Variants in ATG14 observed in about 807,000 individuals in gnomAD.
ATG14 encodes beclin 1-associated autophagy-related key regulator.
Under a neutral mutation model 60.4 loss-of-function variants are expected in ATG14, and 35 were observed. The observed-to-expected ratio is 0.58, with a 90% CI of 0.44 to 0.77. The LOEUF (loss-of-function observed/expected upper bound fraction) is 0.77. Ranked by LOEUF, ATG14 falls within the 30% of genes least tolerant of loss-of-function variation. The pLI is 0.00. For synonymous variants in ATG14, 234 were observed against 228.8 expected (o/e 1.02, Z -0.21); for missense variants, 647 against 626.3 (o/e 1.03, Z -0.35).
intron 9 of ATG14, among the ~76,000 whole-genome samples, chr14:55,375,120 TCCTC>T (rs761112535): frequency 2.6e-5 from 4 of 152,206 alleles, no homozygotes; most frequent in Non-Finnish European, 4.4e-5. Flanking sequence ...TCAGCTCCAC[TCCTC>T]ATACGGTGTG....
intron 1 of ATG14, 149 bp downstream of exon 1, chr14:55,411,453 C>A: frequency 1.3e-6 from 1 of 792,844 alleles, no homozygotes; most frequent in Non-Finnish European, 2.0e-6. Flanking sequence ...AGCAAAGCTC[C>A]GGTGCAGAGC....
chr14:55,385,732 A>C, intron 5 of ATG14, 127 bp downstream of exon 5: 2 of 867,736 alleles, frequency 2.3e-6, no homozygotes, highest in Non-Finnish European at 3.5e-6. Flanking sequence ...AACAGATAAG[A>C]CTTATGTTCC....
intron 1 of ATG14, among the ~76,000 whole-genome samples, chr14:55,398,690 G>A (rs748279893): frequency 2.6e-5 from 4 of 152,044 alleles, no homozygotes; most frequent in Admixed American, 2.0e-4. Context: ...ATGGTATGCC[G>A]TGGAGAAAGT....
chr14:55,400,733 T>C (rs1440727199), intron 1 of ATG14, among the ~76,000 whole-genome samples: 5 of 151,954 alleles, frequency 3.3e-5, no homozygotes, highest in African/African-American at 9.7e-5. Context: ...CGAAACTCTG[T>C]CTCTACTAAA....
intron 3 of ATG14, among the ~76,000 whole-genome samples, chr14:55,392,203 A>T (rs1311583927): frequency 6.6e-6 from 1 of 152,146 alleles, no homozygotes; most frequent in Non-Finnish European, 1.5e-5. Context: ...GCCACCACTG[A>T]TCTGACAGGA....
At chr14:55,395,563 C>T (rs975685003) in intron 3 of ATG14, among the ~76,000 whole-genome samples, 4 of 152,192 alleles carry the variant, frequency 2.6e-5, no homozygotes, top group Non-Finnish European at 4.4e-5. Context: ...CTTTCCTCTA[C>T]GGTTTATAAA....
intron 5 of ATG14, among the ~76,000 whole-genome samples, chr14:55,383,151 C>T (rs1013173205): frequency 4.6e-5 from 7 of 152,190 alleles, no homozygotes; most frequent in African/African-American, 1.4e-4. Flanking sequence ...AAGGGCCTTA[C>T]GCACGCGTCC....
chr14:55,371,758 G>T (rs1432057069), intron 9 of ATG14, among the ~76,000 whole-genome samples: 1 of 151,762 alleles, frequency 6.6e-6, no homozygotes, highest in Non-Finnish European at 1.5e-5. Flanking sequence ...GAGCCGAGAT[G>T]GCGCCAGTGC....
chr14:55,377,381 G>C (rs906887706), intron 9 of ATG14, among the ~76,000 whole-genome samples: 25 of 152,084 alleles, frequency 1.6e-4, no homozygotes, highest in Non-Finnish European at 2.8e-4. Context: ...TGTTACGACG[G>C]ACAAGGAGTG....
intron 1 of ATG14, among the ~76,000 whole-genome samples, chr14:55,398,541 T>C (rs1885351502): frequency 6.6e-6 from 1 of 152,226 alleles, no homozygotes; most frequent in African/African-American, 2.4e-5. Context: ...TTTAGAAGCA[T>C]ATTGTTTAAT....
intron 3 of ATG14, among the ~76,000 whole-genome samples, chr14:55,394,365 T>A (rs1176832226): frequency 1.3e-5 from 2 of 152,324 alleles, no homozygotes; most frequent in Non-Finnish European, 2.9e-5. Flanking sequence ...CACAGACATT[T>A]CAATTTGTAC....
chr14:55,374,242 C>T (rs138389953), intron 9 of ATG14, among the ~76,000 whole-genome samples: 30 of 152,060 alleles, frequency 2.0e-4, no homozygotes, highest in African/African-American at 7.0e-4. Context: ...ATGGGGGTCT[C>T]ACTGTGTTGC....
At chr14:55,373,606 C>A (rs1294263441) in intron 9 of ATG14, among the ~76,000 whole-genome samples, 1 of 152,008 alleles carries the variant, frequency 6.6e-6, no homozygotes, top group East Asian at 1.9e-4. Context: ...GTTACAGGCA[C>A]CCGCCACCAC....
chr14:55,394,142 G>A (rs1203693881), intron 3 of ATG14, among the ~76,000 whole-genome samples: 1 of 151,948 alleles, frequency 6.6e-6, no homozygotes, highest in Non-Finnish European at 1.5e-5. Context: ...GAGTAGCTGG[G>A]ATTACAGGCG....
At position 55,378,123 on chromosome 14, in the gene ATG14, CTA is replaced by C. The variant is rs1317072056; in HGVS notation, c.996-51_996-50del. ...TAAAGTTGCATTTTTTGAGGAAATTCTATGTTAAAATTTCCATTTACAGTACA... is the reference window on the plus strand; with the variant it reads ...TAAAGTTGCATTTTTTGAGGAAATTCTGTTAAAATTTCCATTTACAGTACA... On this transcript the variant is annotated intron_variant, in intron 7 of 9. Transcript: ENST00000247178. The C allele has an allele frequency of 1.4e-5, 22 of 1,518,522 alleles. No homozygotes were observed. In the African/African-American group the frequency reaches 2.1e-4, roughly 14 times the overall value. The allele number at this position is 1,518,522 out of a possible 1,614,324, so 94.1% of individuals were successfully genotyped here.
At chr14:55,408,799 A>C (rs1465989105) in intron 1 of ATG14, among the ~76,000 whole-genome samples, 2 of 152,294 alleles carry the variant, frequency 1.3e-5, no homozygotes, top group Admixed American at 6.5e-5. Flanking sequence ...TAAATCACGT[A>C]CCAAGTGGTA....
chr14:55,401,089 T>C (rs181612857), intron 1 of ATG14, among the ~76,000 whole-genome samples: 3 of 152,188 alleles, frequency 2.0e-5, no homozygotes, highest in Admixed American at 6.5e-5. Context: ...ACACTGGACA[T>C]TTCTTTTTAT....
At chr14:55,389,147 T>G (rs1293229602) in intron 4 of ATG14, among the ~76,000 whole-genome samples, 1 of 152,150 alleles carries the variant, frequency 6.6e-6, no homozygotes, top group African/African-American at 2.4e-5. Flanking sequence ...GTGGTGGTTG[T>G]TTTTGTTTTT....
chr14:55,410,809 C>G (rs773597266), intron 1 of ATG14, among the ~76,000 whole-genome samples: 1 of 152,224 alleles, frequency 6.6e-6, no homozygotes, highest in South Asian at 2.1e-4. Context: ...TGCTAGCTAT[C>G]TTACTATCAT....
Sources: allele counts gnomAD v4.1 joint callset (sites outside exome capture counted in the v4.1 genomes callset), GRCh38; gene constraint gnomAD v4.1.1; transcripts MANE v1.5; gene names NCBI Gene and HGNC (gene_info 2026-07-23, HGNC 2026-07-21).